Variants in CELF5 observed in about 807,000 individuals in gnomAD.
The protein encoded by CELF5 is CUG-BP and ETR-3 like factor 5.
In CELF5, 6 loss-of-function variants were observed where a neutral mutation model predicts 54.9. That is an observed-to-expected ratio of 0.11 (90% CI 0.06 to 0.22). The LOEUF (loss-of-function observed/expected upper bound fraction) is 0.22. CELF5 is among the 10% of genes least tolerant of loss of function. The pLI is 1.00. For missense variants in CELF5, 401 were observed against 678.6 expected (o/e 0.59, Z 4.54); for synonymous variants, 271 against 290.9 (o/e 0.93, Z 0.70).
intron 1 of CELF5, chr19:3,225,480 C>CAAAA: frequency 1.5e-6 from 1 of 670,804 alleles, no homozygotes; most frequent in Non-Finnish European, 1.8e-6. Context: ...CCCCCACCCC[C>CAAAA]ATTCATTCAG....
At chr19:3,236,552 G>T (rs909349001) in intron 1 of CELF5, among the ~76,000 whole-genome samples, 1 of 152,074 alleles carries the variant, frequency 6.6e-6, no homozygotes, top group African/African-American at 2.4e-5. Flanking sequence ...ATGGGAGGGG[G>T]GTTCCTGGCT....
At chr19:3,289,942 C>G (rs2080315604) in intron 10 of CELF5, among the ~76,000 whole-genome samples, 1 of 151,974 alleles carries the variant, frequency 6.6e-6, no homozygotes, top group South Asian at 2.1e-4. Context: ...GAGGGTTGAT[C>G]TGGGCTTTGG....
Position 3,277,947 on chromosome 19 carries a change from CTCTGTG to C in CELF5, c.524-81_524-76del, listed in dbSNP as rs1244394642. ...TGTGTCTGACACTGGCCATGTAGGT[CTCTGTG>C]TCCCCTCTCCTGTGGCCCCCGCTCA... On this transcript the variant is annotated intron_variant, in intron 4 of 12. Transcript: ENST00000292672. The C allele has an allele frequency of 3.0e-6, 3 of 1,007,132 alleles. No homozygotes were observed. The African/African-American group carries it at 4.7e-5, about 16-fold the overall frequency. The allele number at this position is 1,007,132 out of a possible 1,614,324, so 62.4% of individuals were successfully genotyped here.
rs369546858 is a variant in CELF5, at chr19:3,289,197, T to C, written c.1187-1034T>C. Among the ~76,000 whole-genome samples the C allele has an allele frequency of 1.4e-4, 21 of 152,314 alleles. No homozygotes were observed. In the South Asian group the frequency reaches 4.4e-3, roughly 32 times the overall value. ...TTTTGTTTCTGCATCATCTGAGTTTTGAAAATTATCCAAGGTCTGGGGAGT... is the reference window on the plus strand; with the variant it reads ...TTTTGTTTCTGCATCATCTGAGTTTCGAAAATTATCCAAGGTCTGGGGAGT... On this transcript the variant is annotated intron_variant, in intron 10 of 12. Coordinates refer to ENST00000292672, the MANE Select transcript of CELF5 (RefSeq NM_021938.4).
intron 11 of CELF5, among the ~76,000 whole-genome samples, chr19:3,292,393 C>T (rs2080366526): frequency 6.6e-6 from 1 of 151,688 alleles, no homozygotes; most frequent in South Asian, 2.1e-4. Flanking sequence ...AAGCGATTCT[C>T]CTGCCTCAGC....
chr19:3,281,327 C>T lies in CELF5; in HGVS notation c.732C>T (p.Tyr244=), dbSNP rs747432640. Residue 244 remains tyrosine, a synonymous_variant, in exon 6 of 13, where the codon TAC becomes TAT. Coordinates refer to ENST00000292672, the MANE Select transcript of CELF5 (RefSeq NM_021938.4). The surrounding 1 kb of genome is among the most constrained non-coding windows in gnomAD (Gnocchi z 6.5). ...CCCTCACATTGCCCTTCAGCCCCTA[C>T]AGTGCCTACGCCCAGGCTGTGAGTG... ...TPSLTLPFSP[Y]SAYAQALMQQ... The T allele has an allele frequency of 6.2e-7, 1 of 1,609,460 alleles. No individual in the cohort carries two copies. The highest frequency in any genetic ancestry group is 8.5e-7 in the Non-Finnish European group (1 of 1,179,342).
At chr19:3,277,839 G>T (rs1453980554) in intron 4 of CELF5, among the ~76,000 whole-genome samples, 192 bp from the exon 5 acceptor site, 1 of 152,138 alleles carries the variant, frequency 6.6e-6, no homozygotes, top group Non-Finnish European at 1.5e-5. Context: ...CCTCCATTCT[G>T]ACCCTTGATC....
Position 3,273,878 on chromosome 19 carries a change from C to T in CELF5, c.349C>T (p.Arg117Trp), listed in dbSNP as rs2080005478. Reference sequence around the variant, plus strand: ...CTTCCCCCTCTCTCTGCAGATGGCGCGGCCAATCCAGGTGAAGCCTGCGGA... The same window carrying T: ...CTTCCCCCTCTCTCTGCAGATGGCGTGGCCAATCCAGGTGAAGCCTGCGGA... ...HEQKTLPGMA[R>W]PIQVKPADSE... Residue 117 changes from arginine (R) to tryptophan (W), a missense_variant, in exon 3 of 13, where the codon CGG becomes TGG. Transcript: ENST00000292672. The T allele has an allele frequency of 2.5e-6, 4 of 1,613,584 alleles. No individual in the cohort carries two copies. The highest frequency in any genetic ancestry group is 3.4e-6 in the Non-Finnish European group (4 of 1,179,550).
rs763962979 is a variant in CELF5 at position 3,296,854 on chromosome 19, A to G, written c.*137A>G. 6.6e-6 allele frequency: 1 copy of G among 152,198 alleles called. No homozygotes were observed. The highest frequency in any genetic ancestry group is 1.5e-5 in the Non-Finnish European group (1 of 68,030). 9.4% of individuals were successfully genotyped at this position (152,198 alleles called of 1,614,324 possible). On this transcript the variant is annotated 3_prime_UTR_variant, in exon 13 of 13. Transcript: ENST00000292672. Reference sequence around the variant, plus strand: ...ACTTTTGGGACAAACCAACACACACACAGAAGAGAAAGCAAAGAACTTGGA... The same window carrying G: ...ACTTTTGGGACAAACCAACACACACGCAGAAGAGAAAGCAAAGAACTTGGA...
chr19:3,252,422 A>C (rs753812659), intron 2 of CELF5, among the ~76,000 whole-genome samples: 3 of 152,166 alleles, frequency 2.0e-5, no homozygotes, highest in African/African-American at 7.2e-5. Context: ...TCCCTGAGCC[A>C]GTCAATCCGG....
intron 1 of CELF5, among the ~76,000 whole-genome samples, chr19:3,232,021 G>C (rs1917291139): frequency 6.6e-6 from 1 of 151,674 alleles, no homozygotes; most frequent in Non-Finnish European, 1.5e-5. Context: ...ATAGAAGATG[G>C]GATAGACTGA....
rs1394759663 is a variant in CELF5 at position 3,275,878 on chromosome 19, G to A, written c.417G>A (p.Gly139=). 6.2e-7 allele frequency: 1 copy of A among 1,611,908 alleles called. No homozygotes were observed. The highest frequency in any genetic ancestry group is 8.5e-7 in the Non-Finnish European group (1 of 1,178,946). ...CAGGGGACCGGAAGCTGTTCGTGGGGATGCTGAACAAGCAGCAGTCGGAGG... is the reference window on the plus strand; with the variant it reads ...CAGGGGACCGGAAGCTGTTCGTGGGAATGCTGAACAAGCAGCAGTCGGAGG... ...RGGRDRKLFV[G]MLNKQQSEED... Residue 139 remains glycine, a synonymous_variant, in exon 4 of 13, where the codon GGG becomes GGA. Coordinates refer to ENST00000292672, the MANE Select transcript of CELF5 (RefSeq NM_021938.4). This position sits in a 1 kb window ranked among gnomAD's most constrained non-coding sequence, Gnocchi z 6.7.
intron 9 of CELF5, 29 bp from the exon 10 acceptor site, chr19:3,285,913 C>A (rs758400760): frequency 1.3e-6 from 2 of 1,529,742 alleles, no homozygotes; most frequent in Non-Finnish European, 1.7e-6. Context: ...CGCCCCTCCT[C>A]GCCCTGTGTC....
At chr19:3,257,785 T>TTTTA (rs1204284655) in intron 2 of CELF5, among the ~76,000 whole-genome samples, 1,343 of 80,384 alleles carry the variant, frequency 0.017, 14 homozygotes, top group Admixed American at 0.026. Context: ...CTCCATTTTT[T>TTTTA]TTTATTTATT....
intron 1 of CELF5, among the ~76,000 whole-genome samples, chr19:3,225,872 C>T (rs1916879740): frequency 6.6e-6 from 1 of 152,062 alleles, no homozygotes. Flanking sequence ...TTGGACGTGT[C>T]CATCTGGGCA....
At chr19:3,273,305 C>T (rs1298118287) in intron 2 of CELF5, among the ~76,000 whole-genome samples, 1 of 151,928 alleles carries the variant, frequency 6.6e-6, no homozygotes, top group Non-Finnish European at 1.5e-5. Context: ...TCAGGGTGGC[C>T]TCACTCCCCT....
In CELF5 at chr19:3,228,884, G is replaced by A. The variant is rs312063; in HGVS notation, c.259+3886G>A. ...TGGCAGGGTTGGCCGGCGTGTGTGTGTGTGTGTGTGTGTGTGTGTGTGTGT... is the reference window on the plus strand; with the variant it reads ...TGGCAGGGTTGGCCGGCGTGTGTGTATGTGTGTGTGTGTGTGTGTGTGTGT... On this transcript the variant is annotated intron_variant, in intron 1 of 12. Transcript: ENST00000292672. This position sits in a 1 kb window ranked among gnomAD's most constrained non-coding sequence, Gnocchi z 6.0. Among the ~76,000 whole-genome samples, 116 of 142,356 alleles carry A rather than the reference G, an allele frequency of 8.1e-4. No individual in the cohort carries two copies. Among genetic ancestry groups the A allele is most frequent in the African/African-American group, 3.0e-3 (111 of 36,910 alleles). 93.4% of individuals were successfully genotyped at this position (142,356 alleles called of 152,430 possible).
At chr19:3,293,519 GC>G (rs1276960469) in intron 12 of CELF5, 33 bp downstream of exon 12, 3 of 1,493,338 alleles carry the variant, frequency 2.0e-6, no homozygotes, top group Non-Finnish European at 2.7e-6. Context: ...CCCCGCCCAA[GC>G]CCCCCGTCTT....
chr19:3,243,181 G>T (rs568521998), intron 1 of CELF5, among the ~76,000 whole-genome samples: 1 of 151,434 alleles, frequency 6.6e-6, no homozygotes, highest in South Asian at 2.1e-4. Flanking sequence ...TTTTTTCTTT[G>T]GTTTTTAATT....
Sources: gnomAD v4.1 joint callset for allele counts (sites outside exome capture counted in the v4.1 genomes callset) on GRCh38, gnomAD v4.1.1 for gene constraint, Gnocchi (gnomAD v3.1) non-coding constraint, MANE v1.5 for transcripts, NCBI Gene and HGNC (gene_info 2026-07-23, HGNC 2026-07-21) for gene names.